The following ABCB4 variants were observed in gnomAD, a reference collection of about 807,000 sequenced individuals.
ABCB4 encodes the protein ATP binding cassette subfamily B member 4.
A neutral mutation model predicts 145.7 loss-of-function variants in ABCB4; 76 were observed. The observed-to-expected ratio is 0.52, with a 90% CI of 0.43 to 0.63. The LOEUF (loss-of-function observed/expected upper bound fraction) is 0.63, where lower values mean the gene tolerates loss of function less well. Ranked by LOEUF, ABCB4 falls within the 30% of genes least tolerant of loss-of-function variation. The pLI, the probability that ABCB4 is intolerant of heterozygous loss-of-function variation, is 0.00. For synonymous variants in ABCB4, 517 were observed against 566.8 expected (o/e 0.91, Z 1.25); for missense variants, 1,234 against 1,553.1 (o/e 0.79, Z 3.45).
intron 12 of ABCB4, 51 bp from the exon 13 acceptor site, chr7:87,440,453 A>T: frequency 6.7e-7 from 1 of 1,483,376 alleles, no homozygotes; most frequent in Non-Finnish European, 9.4e-7. Flanking sequence ...TAATAGCTGA[A>T]GTATCAGGAC....
chr7:87,419,176 G>A (rs1809216471), intron 19 of ABCB4, among the ~76,000 whole-genome samples: 1 of 152,156 alleles, frequency 6.6e-6, no homozygotes, highest in Non-Finnish European at 1.5e-5. Flanking sequence ...CTCATCCATG[G>A]CATCTTTTAC....
At chr7:87,423,368 A>G (rs142876956) in intron 17 of ABCB4, among the ~76,000 whole-genome samples, 38 of 152,296 alleles carry the variant, frequency 2.5e-4, no homozygotes, top group African/African-American at 8.7e-4. Flanking sequence ...CTTTTTGAAT[A>G]CTTACTACAA....
intron 2 of ABCB4, 74 bp from the exon 3 acceptor site, chr7:87,472,749 T>G: frequency 9.7e-7 from 1 of 1,029,472 alleles, no homozygotes; most frequent in South Asian, 1.4e-5. Flanking sequence ...TAAATATGTT[T>G]AGTTACAATA....
At chr7:87,414,053 G>GAAA (rs1808807172) in intron 21 of ABCB4, among the ~76,000 whole-genome samples, 1 of 152,162 alleles carries the variant, frequency 6.6e-6, no homozygotes, top group Non-Finnish European at 1.5e-5. Context: ...ACCCCTTTGT[G>GAAA]GCCTGGCTTT....
At chr7:87,366,894 C>T in the ABCB4 span, among the ~76,000 whole-genome samples, 4 of 152,236 alleles carry the variant, frequency 2.6e-5, no homozygotes, top group African/African-American at 4.8e-5. Flanking sequence ...CCCAGCACTA[C>T]GGTGCTATCT....
At chr7:87,393,830 G>A in the ABCB4 span, among the ~76,000 whole-genome samples, 1 of 152,290 alleles carries the variant, frequency 6.6e-6, no homozygotes, top group East Asian at 1.9e-4. Context: ...TGAACAACAT[G>A]GGTTTGAACT....
chr7:87,392,827 A>G, the ABCB4 span: 1 of 1,612,834 alleles, frequency 6.2e-7, no homozygotes, highest in Middle Eastern at 1.7e-4. Flanking sequence ...CCAAAAGGTA[A>G]TATAGTGTAG....
At position 87,422,213 on chromosome 7, in the gene ABCB4, C is replaced by T; in HGVS notation, c.2224G>A (p.Gly742Ser). The change falls in exon 18 of 28, where the codon GGC (glycine) becomes AGC (serine). Residue 742 changes from glycine (G) to serine (S), a missense_variant. Physicochemically the swap from Gly to Ser is moderately conservative, Grantham distance 56. Transcript: ENST00000649586. ...FSEIIAIFGPGDDAVKQQKCN... is the reference protein window; with the variant it reads ...FSEIIAIFGPSDDAVKQQKCN... Reference sequence around the variant, plus strand: ...TTCTGCTGCTTCACTGCATCATCGCCTGGTCCAAAAATCTACAAAAGAATA... The same window carrying T: ...TTCTGCTGCTTCACTGCATCATCGCTTGGTCCAAAAATCTACAAAAGAATA... The T allele has an allele frequency of 6.2e-7, 1 of 1,613,206 alleles. No individual in the cohort carries two copies. The highest frequency in any genetic ancestry group is 1.1e-5 in the South Asian group (1 of 91,030).
chr7:87,471,756 C>A (rs577069040), intron 3 of ABCB4, among the ~76,000 whole-genome samples: 11 of 152,142 alleles, frequency 7.2e-5, no homozygotes, highest in Admixed American at 2.0e-4. Flanking sequence ...CAAATGAAAA[C>A]CAGATGAGGA....
chr7:87,474,931 A>G (rs1439086926), intron 2 of ABCB4, among the ~76,000 whole-genome samples: 1 of 152,184 alleles, frequency 6.6e-6, no homozygotes, highest in Non-Finnish European at 1.5e-5. Flanking sequence ...AGGAAGAGAC[A>G]TAACAGGGGA....
chr7:87,392,552 G>T, the ABCB4 span: 1 of 1,610,004 alleles, frequency 6.2e-7, no homozygotes, highest in Non-Finnish European at 8.5e-7. Context: ...AGTGTCTCTC[G>T]ATTTTTAATA....
chr7:87,392,533 T>G, the ABCB4 span: 1 of 1,561,730 alleles, frequency 6.4e-7, no homozygotes. Flanking sequence ...TTGCACAGTG[T>G]GTTATTGAAG....
chr7:87,437,587 G>C (rs45552540), intron 14 of ABCB4, among the ~76,000 whole-genome samples: 203 of 152,318 alleles, frequency 1.3e-3, no homozygotes, highest in Non-Finnish European at 2.4e-3. Context: ...AATATCAAGT[G>C]TTTCATATGT....
At chr7:87,449,376 A>T (rs1360425771) in intron 8 of ABCB4, among the ~76,000 whole-genome samples, 1 of 151,944 alleles carries the variant, frequency 6.6e-6, no homozygotes, top group Non-Finnish European at 1.5e-5. Flanking sequence ...TTTTAATATA[A>T]TTATTTTCCT....
In ABCB4 at chr7:87,406,360, A is replaced by C; in HGVS notation, c.3414T>G (p.Val1138=). 6.2e-7 allele frequency: 1 copy of C among 1,614,172 alleles called. No individual in the cohort carries two copies. Among genetic ancestry groups the C allele is most frequent in the Non-Finnish European group, 8.5e-7 (1 of 1,180,030 alleles). ...CACTCACAATTTCATCCTGTGATAC[A>C]ACCCGGCTGTTGTCTCCATAGGCAA... The part of the protein sequence containing the change: ...ENIAYGDNSR[V]VSQDEIVSAA... The change falls in exon 26 of 28, where the codon GTT becomes GTG. Residue 1138 remains valine (V), a synonymous_variant. Coordinates refer to ENST00000649586, the MANE Select transcript of ABCB4 (RefSeq NM_000443.4).
chr7:87,468,065 T>C (rs545317215), intron 3 of ABCB4, among the ~76,000 whole-genome samples: 7 of 152,098 alleles, frequency 4.6e-5, no homozygotes, highest in Admixed American at 3.9e-4. Context: ...CTGAAGGAGA[T>C]AGAGACATAA....
chr7:87,462,300 G>C (rs1240913993), intron 4 of ABCB4, among the ~76,000 whole-genome samples: 2 of 152,174 alleles, frequency 1.3e-5, no homozygotes, highest in East Asian at 3.9e-4. Flanking sequence ...ATTAGAGACA[G>C]AAAATGGGTA....
chr7:87,419,813 A>AC (rs1245434199), intron 19 of ABCB4, among the ~76,000 whole-genome samples, 185 bp downstream of exon 19: 1 of 151,890 alleles, frequency 6.6e-6, no homozygotes, highest in African/African-American at 2.4e-5. Context: ...CAAAAAAAAA[A>AC]CAAAAAAAAC....
chr7:87,395,338 G>A, the ABCB4 span, among the ~76,000 whole-genome samples: 1 of 152,168 alleles, frequency 6.6e-6, no homozygotes, highest in Non-Finnish European at 1.5e-5. Context: ...CAGATTAACG[G>A]TGGGTCTGAC....
Sources: gnomAD v4.1 joint callset for allele counts (sites outside exome capture counted in the v4.1 genomes callset) on GRCh38, gnomAD v4.1.1 for gene constraint, MANE v1.5 for transcripts, NCBI Gene and HGNC (gene_info 2026-07-23, HGNC 2026-07-21) for gene names.